Variants in GRID2IP observed in about 807,000 individuals in gnomAD.
GRID2IP encodes Grid2 interacting protein.
A neutral mutation model predicts 114.3 loss-of-function variants in GRID2IP; 78 were observed. That is an observed-to-expected ratio of 0.68 (90% CI 0.57 to 0.82). GRID2IP has a LOEUF of 0.82. GRID2IP is among the 40% of genes least tolerant of loss of function. The pLI, the probability that GRID2IP is intolerant of heterozygous loss-of-function variation, is 0.00. For missense variants in GRID2IP, 1,727 were observed against 1,678.5 expected (o/e 1.03, Z -0.51); for synonymous variants, 809 against 724.0 (o/e 1.12, Z -1.89).
chr7:6,550,093 C>T (rs972434697), intron 1 of GRID2IP, among the ~76,000 whole-genome samples: 18 of 152,200 alleles, frequency 1.2e-4, no homozygotes, highest in East Asian at 3.9e-4. Context: ...CAGGCTGAAG[C>T]GATCTTCCTG....
chr7:6,500,083 C>A (rs1361465658), intron 20 of GRID2IP, among the ~76,000 whole-genome samples: 2 of 152,164 alleles, frequency 1.3e-5, no homozygotes, highest in East Asian at 3.9e-4. Flanking sequence ...GACCTCCAAG[C>A]CCAAGGAAGC....
Position 6,507,968 on chromosome 7 carries a change from G to C in GRID2IP, c.2544+17C>G, listed in dbSNP as rs1303651999. Reference sequence around the variant, plus strand: ...CCTCCCCCAGTACAGAGCGCTGCTGGGTCCCAGGTCACCTACCTGACCCCA... The same window carrying C: ...CCTCCCCCAGTACAGAGCGCTGCTGCGTCCCAGGTCACCTACCTGACCCCA... On this transcript the variant is annotated intron_variant, in intron 13 of 21. Transcript: ENST00000457091. This position sits in a 1 kb window ranked among gnomAD's most constrained non-coding sequence, Gnocchi z 5.3. 2.6e-6 allele frequency: 4 copies of C among 1,549,706 alleles called. No homozygotes were observed. The South Asian group carries it at 4.8e-5, about 18-fold the overall frequency.
Position 6,496,879 on chromosome 7 carries a change from T to C in GRID2IP, c.*895A>G, listed in dbSNP as rs908228155. Among the ~76,000 whole-genome samples the C allele has an allele frequency of 1.3e-5, 2 of 152,094 alleles. No individual in the cohort carries two copies. The highest frequency in any genetic ancestry group is 2.9e-5 in the Non-Finnish European group (2 of 68,022). On this transcript the variant is annotated 3_prime_UTR_variant, in exon 22 of 22. Coordinates refer to ENST00000457091, the MANE Select transcript of GRID2IP (RefSeq NM_001145118.2). ...CCACGCCACCTGCTCCTGCTCCTGGTATCCAGGTAACTCCTGCTATATGCC... is the reference window on the plus strand; with the variant it reads ...CCACGCCACCTGCTCCTGCTCCTGGCATCCAGGTAACTCCTGCTATATGCC...
chr7:6,533,514 A>C (rs1779671726), intron 2 of GRID2IP, among the ~76,000 whole-genome samples: 1 of 151,258 alleles, frequency 6.6e-6, no homozygotes, highest in African/African-American at 2.4e-5. Flanking sequence ...ATGTACCACT[A>C]TGCCTGGCTA....
intron 20 of GRID2IP, among the ~76,000 whole-genome samples, chr7:6,500,432 C>A (rs1786380915): frequency 1.3e-5 from 2 of 152,176 alleles, no homozygotes; most frequent in South Asian, 4.1e-4. Flanking sequence ...CCATTGCACT[C>A]CAGCCTGGGC....
intron 1 of GRID2IP, among the ~76,000 whole-genome samples, chr7:6,542,994 C>G (rs1277370554): frequency 6.6e-6 from 1 of 152,144 alleles, no homozygotes; most frequent in Non-Finnish European, 1.5e-5. Flanking sequence ...GCAACTTCAG[C>G]CTGAACTGGG....
chr7:6,513,947 CAAAAAAAAA>C (rs35124535), intron 8 of GRID2IP, among the ~76,000 whole-genome samples: 1 of 47,542 alleles, frequency 2.1e-5, no homozygotes, highest in Non-Finnish European at 3.6e-5. Context: ...GACTCCGTCT[CAAAAAAAAA>C]AAAAAAAAAA....
At position 6,526,406 on chromosome 7, in the gene GRID2IP, G is replaced by A; in HGVS notation, c.834-97C>T. 1.3e-6 allele frequency: 2 copies of A among 1,507,698 alleles called. No individual in the cohort carries two copies. The highest frequency in any genetic ancestry group is 1.8e-6 in the Non-Finnish European group (2 of 1,117,672). The allele number at this position is 1,507,698 out of a possible 1,614,324, so 93.4% of individuals were successfully genotyped here. ...GTGTCCCTCTCCCCTTAACCTCTCC[G>A]GCCCCCTATGCACCCCAGATGCCCA... On this transcript the variant is annotated intron_variant, in intron 3 of 21. Transcript: ENST00000457091. The surrounding 1 kb of genome is among the most constrained non-coding windows in gnomAD (Gnocchi z 7.6).
Position 6,498,341 on chromosome 7 carries a change from C to T in GRID2IP, c.3400-113G>A, listed in dbSNP as rs149917244. ...CTATTCCCGGTTGGCCTGAGTCCTT[C>T]CAAGGGCCAGGCCCTGTGTCCAACA... is the stretch of plus-strand genomic sequence containing the variant. On this transcript the variant is annotated intron_variant, in intron 20 of 21. Transcript: ENST00000457091. The T allele has an allele frequency of 1.8e-4, 183 of 993,978 alleles. No homozygotes were observed. The East Asian group carries it at 3.2e-3, about 17-fold the overall frequency. The allele number at this position is 993,978 out of a possible 1,614,324, so 61.6% of individuals were successfully genotyped here.
At chr7:6,499,488 T>C (rs993007844) in intron 20 of GRID2IP, among the ~76,000 whole-genome samples, 2 of 152,194 alleles carry the variant, frequency 1.3e-5, no homozygotes, top group Non-Finnish European at 2.9e-5. Context: ...TGGAGTGCAA[T>C]GGCATGATCT....
Position 6,497,714 on chromosome 7 carries a change from G to T in GRID2IP, c.*60C>A. On this transcript the variant is annotated 3_prime_UTR_variant, in exon 22 of 22. Transcript: ENST00000457091. ...TGGCCCCGGACCTCGGCAGTGTCTG[G>T]GCTGCCCTCTCGGCCTCCATCTCCC... is the stretch of plus-strand genomic sequence containing the variant. The T allele has an allele frequency of 2.3e-6, 3 of 1,308,448 alleles. No homozygotes were observed. The highest frequency in any genetic ancestry group is 3.2e-6 in the Non-Finnish European group (3 of 938,584). The allele number at this position is 1,308,448 out of a possible 1,614,324, so 81.1% of individuals were successfully genotyped here. A position where few individuals can be genotyped will look rare whatever the true frequency, so the allele number is the denominator to read the frequency against.
Position 6,506,430 on chromosome 7 carries a change from T to A in GRID2IP, c.2545-523A>T, listed in dbSNP as rs1161464710. On this transcript the variant is annotated intron_variant, in intron 13 of 21. Coordinates refer to ENST00000457091, the MANE Select transcript of GRID2IP (RefSeq NM_001145118.2). This position sits in a 1 kb window ranked among gnomAD's most constrained non-coding sequence, Gnocchi z 5.2. ...GGGCAGGGAGTGCGGACGGGGTGGC[T>A]GCCAAAGGGAGAGAACCCAAAGGGA... 6.6e-6 allele frequency among the ~76,000 whole-genome samples: 1 copy of A among 152,070 alleles called. No individual in the cohort carries two copies. Among genetic ancestry groups the A allele is most frequent in the Non-Finnish European group, 1.5e-5 (1 of 68,002 alleles).
intron 18 of GRID2IP, 142 bp downstream of exon 18, chr7:6,502,644 A>G (rs1449922228): frequency 1.4e-5 from 6 of 442,632 alleles, no homozygotes; most frequent in East Asian, 1.5e-4. Flanking sequence ...CCTGGCTTCA[A>G]TGTGGCCCTT....
At chr7:6,522,956 T>C (rs558069739) in intron 4 of GRID2IP, among the ~76,000 whole-genome samples, 43 of 152,042 alleles carry the variant, frequency 2.8e-4, no homozygotes, top group African/African-American at 9.6e-4. Context: ...TGAGCTACCA[T>C]GCCCGGCCAC....
chr7:6,522,071 C>T (rs764340548), intron 4 of GRID2IP, 114 bp from the exon 5 acceptor site: 23 of 824,806 alleles, frequency 2.8e-5, no homozygotes, highest in East Asian at 8.4e-5. Context: ...CATAGCTTGC[C>T]GGGCATGGTG....
At chr7:6,510,257 G>A (rs910511870) in intron 11 of GRID2IP, 26 bp downstream of exon 11, 31 of 1,442,428 alleles carry the variant, frequency 2.1e-5, no homozygotes, top group Non-Finnish European at 2.7e-5. Flanking sequence ...CACCCAGACA[G>A]TAGATGACAG....
rs572602751 is a variant in GRID2IP, at chr7:6,502,928, C to T, written c.3064-56G>A. On this transcript the variant is annotated intron_variant, in intron 17 of 21. Transcript: ENST00000457091. ...CTCACCCCACCACCCATCCACCCTG[C>T]TGTCTGGATGGGCCTCCAGGCTGGA... 485 of 1,543,800 alleles carry T rather than the reference C, an allele frequency of 3.1e-4. 4 individuals carry two copies. In the Admixed American group the frequency reaches 9.0e-3, roughly 29 times the overall value.
chr7:6,542,730 AGTGAT>A (rs1323153741), intron 1 of GRID2IP, among the ~76,000 whole-genome samples: 1 of 152,192 alleles, frequency 6.6e-6, no homozygotes, highest in Non-Finnish European at 1.5e-5. Context: ...TTCTTGTTAG[AGTGAT>A]GAAATTGTTT....
At chr7:6,529,832 A>G (rs530962646) in intron 2 of GRID2IP, among the ~76,000 whole-genome samples, 1 of 152,154 alleles carries the variant, frequency 6.6e-6, no homozygotes, top group South Asian at 2.1e-4. Flanking sequence ...GGGCCACACA[A>G]TGACCTTGCA....
Sources: gnomAD v4.1 joint callset for allele counts (sites outside exome capture counted in the v4.1 genomes callset) on GRCh38, gnomAD v4.1.1 for gene constraint, Gnocchi (gnomAD v3.1) non-coding constraint, MANE v1.5 for transcripts, NCBI Gene and HGNC (gene_info 2026-07-23, HGNC 2026-07-21) for gene names.